SMYD3: variants seen among roughly 807,000 people sequenced by gnomAD.
SMYD3 encodes the protein histone-lysine N-methyltransferase SMYD3.
A neutral mutation model predicts 57.7 loss-of-function variants in SMYD3; 36 were observed. The ratio of observed to expected loss-of-function variants is 0.62; its 90% CI spans 0.48 to 0.82. The LOEUF is 0.82. Among genes scored for constraint, SMYD3 ranks in the 40% least tolerant of loss-of-function variants. The pLI is 0.00. For missense variants in SMYD3, 515 were observed against 538.8 expected (o/e 0.96, Z 0.44); for synonymous variants, 211 against 195.0 (o/e 1.08, Z -0.68).
intron 5 of SMYD3, among the ~76,000 whole-genome samples, chr1:245,942,650 A>AC (rs983134098): frequency 1.3e-5 from 2 of 151,886 alleles, no homozygotes; most frequent in East Asian, 3.9e-4. Flanking sequence ...AAAATCTCTA[A>AC]CCCCCCAAAA....
chr1:246,181,439 G>T (rs187653009), intron 5 of SMYD3, among the ~76,000 whole-genome samples: 157 of 152,274 alleles, frequency 1.0e-3, no homozygotes, highest in African/African-American at 3.7e-3. Flanking sequence ...ACTCCCCACA[G>T]CTGAGACTAT....
rs2068559376 is a variant in SMYD3, at chr1:246,507,247, T to A, written c.-30A>T. The stretch of plus-strand genomic sequence containing the variant: ...CCGCAGCTCCGGCACCTCAGACGGC[T>A]ACCCGCGTCCAGCAGCGGGCGTCTC... On this transcript the variant is annotated 5_prime_UTR_variant, in exon 1 of 12. Transcript: ENST00000490107. 6.8e-7 allele frequency: 1 copy of A among 1,474,594 alleles called. No homozygotes were observed. Among genetic ancestry groups the A allele is most frequent in the Non-Finnish European group, 9.0e-7 (1 of 1,106,264 alleles). 91.3% of individuals were successfully genotyped at this position (1,474,594 alleles called of 1,614,324 possible). A position where few individuals can be genotyped will look rare whatever the true frequency, so the allele number is the denominator to read the frequency against.
intron 1 of SMYD3, among the ~76,000 whole-genome samples, chr1:246,505,982 A>G (rs1209044948): frequency 6.6e-6 from 1 of 152,236 alleles, no homozygotes; most frequent in Non-Finnish European, 1.5e-5. Flanking sequence ...GCAACAGACA[A>G]AATTATTATT....
At chr1:245,885,587 CT>C (rs958786592) in intron 8 of SMYD3, among the ~76,000 whole-genome samples, 8 of 152,258 alleles carry the variant, frequency 5.3e-5, no homozygotes, top group Admixed American at 4.6e-4. Flanking sequence ...GATAAGGCCC[CT>C]CCTTTCTCCT....
At chr1:246,295,611 T>G (rs1161180890) in intron 5 of SMYD3, among the ~76,000 whole-genome samples, 1 of 152,158 alleles carries the variant, frequency 6.6e-6, no homozygotes, top group East Asian at 1.9e-4. Flanking sequence ...GTAAACTAGA[T>G]GTAGCCAAGG....
intron 1 of SMYD3, among the ~76,000 whole-genome samples, chr1:246,491,029 A>G (rs1004087134): frequency 1.3e-5 from 2 of 152,212 alleles, no homozygotes; most frequent in Admixed American, 1.3e-4. Context: ...AGGGTTCAAG[A>G]TTAAGAAAAC....
rs182681607 is a variant in SMYD3, at chr1:246,384,676, C to T, written c.165-29582G>A. Among the ~76,000 whole-genome samples the T allele has an allele frequency of 1.6e-4, 24 of 152,254 alleles. No homozygotes were observed. In the East Asian group the frequency reaches 3.9e-3, roughly 25 times the overall value. On this transcript the variant is annotated intron_variant, in intron 1 of 11. Coordinates refer to ENST00000490107, the MANE Select transcript of SMYD3 (RefSeq NM_001167740.2). ...CCTCCCAAAGTGCTGAGATTACAGG[C>T]GTGAGCCACTGCACCTGGTCTAAAA...
At chr1:245,922,377 T>A (rs999583484) in intron 7 of SMYD3, among the ~76,000 whole-genome samples, 1 of 152,220 alleles carries the variant, frequency 6.6e-6, no homozygotes, top group East Asian at 1.9e-4. Context: ...AAAATGTTAA[T>A]TTAAGAATGG....
rs909435127 is a variant in SMYD3, at chr1:246,031,959, A to C, written c.532-102022T>G. On this transcript the variant is annotated intron_variant, in intron 5 of 11. Coordinates refer to ENST00000490107, the MANE Select transcript of SMYD3 (RefSeq NM_001167740.2). ...AGACAGAAGGGATATTTCCTGTAGC[A>C]GCATAAATTACAGAGACTCTAAAGT... Among the ~76,000 whole-genome samples, 11 of 152,276 alleles carry C rather than the reference A, an allele frequency of 7.2e-5. No individual in the cohort carries two copies. In the South Asian group the frequency reaches 2.1e-3, roughly 29 times the overall value.
chr1:246,072,455 ATGAATCG>A (rs1326905324), intron 5 of SMYD3, among the ~76,000 whole-genome samples: 2 of 152,044 alleles, frequency 1.3e-5, no homozygotes, highest in African/African-American at 2.4e-5. Context: ...CTCAGTGTGG[ATGAATCG>A]TGTTAGTTCT....
chr1:245,869,731 C>T (rs538711543), intron 8 of SMYD3, among the ~76,000 whole-genome samples: 2 of 152,346 alleles, frequency 1.3e-5, no homozygotes, highest in African/African-American at 2.4e-5. Context: ...ATCCTACCCA[C>T]GCCCATCTCT....
intron 1 of SMYD3, among the ~76,000 whole-genome samples, chr1:246,367,509 C>T (rs764944456): frequency 3.3e-5 from 5 of 152,042 alleles, no homozygotes; most frequent in Non-Finnish European, 5.9e-5. Context: ...AATGAAAAAC[C>T]GCAACCTCTG....
intron 10 of SMYD3, among the ~76,000 whole-genome samples, chr1:245,798,396 A>ACG: frequency 7.1e-6 from 1 of 140,436 alleles, no homozygotes; most frequent in Non-Finnish European, 1.5e-5. Flanking sequence ...ACGCGCACAC[A>ACG]CACACACACA....
chr1:245,783,417 A>T (rs962333059), intron 10 of SMYD3, among the ~76,000 whole-genome samples: 3 of 152,188 alleles, frequency 2.0e-5, no homozygotes, highest in Non-Finnish European at 4.4e-5. Flanking sequence ...GCACTAAGCC[A>T]AGGGCAACTT....
At chr1:246,295,977 TATGTATGC>T (rs1425117530) in intron 5 of SMYD3, among the ~76,000 whole-genome samples, 7 of 152,238 alleles carry the variant, frequency 4.6e-5, no homozygotes, top group Admixed American at 1.3e-4. Flanking sequence ...TCTGCTGTTG[TATGTATGC>T]ATGTATGCAT....
At chr1:245,955,515 T>C (rs7556100) in intron 5 of SMYD3, among the ~76,000 whole-genome samples, 38,465 of 152,148 alleles carry the variant, frequency 0.25, 5,214 homozygotes, top group East Asian at 0.37. Flanking sequence ...ATTCATCCTT[T>C]AGGATCCGGC....
At chr1:246,256,510 T>C (rs1455649393) in intron 5 of SMYD3, among the ~76,000 whole-genome samples, 4 of 152,224 alleles carry the variant, frequency 2.6e-5, no homozygotes, top group African/African-American at 7.2e-5. Flanking sequence ...TTTGTGTTTC[T>C]GTGGGATCGG....
At chr1:245,967,479 T>A (rs2058186229) in intron 5 of SMYD3, among the ~76,000 whole-genome samples, 1 of 152,194 alleles carries the variant, frequency 6.6e-6, no homozygotes, top group Non-Finnish European at 1.5e-5. Context: ...CCAAGAAAAG[T>A]CAAATGCATA....
intron 8 of SMYD3, among the ~76,000 whole-genome samples, chr1:245,890,340 G>A (rs190697528): frequency 1.7e-4 from 26 of 152,192 alleles, no homozygotes; most frequent in Non-Finnish European, 1.6e-4. Flanking sequence ...ATCTGACAAG[G>A]AATCAATAAC....
Sources: allele counts gnomAD v4.1 joint callset (sites outside exome capture counted in the v4.1 genomes callset), GRCh38; gene constraint gnomAD v4.1.1; transcripts MANE v1.5; gene names NCBI Gene and HGNC (gene_info 2026-07-23, HGNC 2026-07-21).